Variants in HOXD12 observed in about 807,000 individuals in gnomAD.
HOXD12 encodes the protein homeobox protein Hox-D12.
A neutral mutation model predicts 20.2 loss-of-function variants in HOXD12; 21 were observed. The observed-to-expected ratio is 1.04, with a 90% CI of 0.74 to 1.50. HOXD12 has a LOEUF of 1.50. HOXD12 is among the 40% of genes most tolerant of loss of function. The pLI, the probability that HOXD12 is intolerant of heterozygous loss-of-function variation, is 0.00. For missense variants in HOXD12, 472 were observed against 365.5 expected, an observed-to-expected ratio of 1.29 and a Z score of -2.38; for synonymous variants, 196 against 168.8, an observed-to-expected ratio of 1.16 and a Z score of -1.25.
rs776618268 is a variant in HOXD12 at position 176,100,722 on chromosome 2, C to A, written c.775C>A (p.Arg259Ser). 7 of 1,613,750 alleles carry A rather than the reference C, an allele frequency of 4.3e-6. No individual in the cohort carries two copies. Among genetic ancestry groups the A allele is most frequent in the Non-Finnish European group, 1.7e-6 (2 of 1,179,824 alleles). The change falls in exon 2 of 2, where the codon CGC becomes AGC. Residue 259 changes from arginine to serine, a missense_variant. Transcript: ENST00000406506. Reference sequence around the variant, plus strand: ...CCAGAACAGGCGTATGAAGAAGAAGCGCGTGGTGCTTCGGGAGCAGGCGCT... The same window carrying A: ...CCAGAACAGGCGTATGAAGAAGAAGAGCGTGGTGCTTCGGGAGCAGGCGCT... ...WFQNRRMKKK[R>S]VVLREQALAL...
Position 176,102,426 on chromosome 2 carries a change from G to A in HOXD12, c.*1666G>A, listed in dbSNP as rs1278250927. On this transcript the variant is annotated 3_prime_UTR_variant, in exon 2 of 2. Coordinates refer to ENST00000406506, the MANE Select transcript of HOXD12 (RefSeq NM_021193.4). Reference sequence around the variant, plus strand: ...TTGATTTTGTCAAAAACAGTAGCTTGTATATATCAGACACAATATATACAA... The same window carrying A: ...TTGATTTTGTCAAAAACAGTAGCTTATATATATCAGACACAATATATACAA... Among the ~76,000 whole-genome samples, 2 of 152,210 alleles carry A rather than the reference G, an allele frequency of 1.3e-5. No individual in the cohort carries two copies. The highest frequency in any genetic ancestry group is 1.3e-4 in the Admixed American group (2 of 15,284).
chr2:176,100,434 G>C (rs754997624), intron 1 of HOXD12, 59 bp downstream of exon 1: 5 of 1,602,122 alleles, frequency 3.1e-6, no homozygotes, highest in Non-Finnish European at 4.3e-6. Flanking sequence ...TGGGGTTCAA[G>C]GGAGAGTGTA....
Position 176,102,093 on chromosome 2 carries a change from G to T in HOXD12, c.*1333G>T, listed in dbSNP as rs913390007. Among the ~76,000 whole-genome samples, 1 of 152,204 alleles carries T rather than the reference G, an allele frequency of 6.6e-6. No homozygotes were observed. Among genetic ancestry groups the T allele is most frequent in the South Asian group, 2.1e-4 (1 of 4,828 alleles). ...GTGGAGTTGTTCTGGGTGTACTGGAGTGTCCCGCCTTAATCTCAGTGAACC... is the reference window on the plus strand; with the variant it reads ...GTGGAGTTGTTCTGGGTGTACTGGATTGTCCCGCCTTAATCTCAGTGAACC... On this transcript the variant is annotated 3_prime_UTR_variant, in exon 2 of 2. Transcript: ENST00000406506.
chr2:176,101,639 G>T lies in HOXD12; in HGVS notation c.*879G>T, dbSNP rs987804672. The stretch of plus-strand genomic sequence containing the variant: ...CTAGCTCTGGTGAAAGGAGCTGTTG[G>T]TCTGCTTTGAAGCTCTGTTGCACAG... On this transcript the variant is annotated 3_prime_UTR_variant, in exon 2 of 2. Transcript: ENST00000406506. Among the ~76,000 whole-genome samples, 1 of 152,180 alleles carries T rather than the reference G, an allele frequency of 6.6e-6. No homozygotes were observed. Among genetic ancestry groups the T allele is most frequent in the Non-Finnish European group, 1.5e-5 (1 of 68,030 alleles).
chr2:176,101,846 G>C lies in HOXD12; in HGVS notation c.*1086G>C, dbSNP rs1283710894. On this transcript the variant is annotated 3_prime_UTR_variant, in exon 2 of 2. Coordinates refer to ENST00000406506, the MANE Select transcript of HOXD12 (RefSeq NM_021193.4). ...GCAAAAATCCTTCTCAAGAGTCAAGGGGAGGGGAAGGAAGTCTCTTAGATT... is the reference window on the plus strand; with the variant it reads ...GCAAAAATCCTTCTCAAGAGTCAAGCGGAGGGGAAGGAAGTCTCTTAGATT... Among the ~76,000 whole-genome samples, 1 of 152,222 alleles carries C rather than the reference G, an allele frequency of 6.6e-6. No homozygotes were observed. Among genetic ancestry groups the C allele is most frequent in the Non-Finnish European group, 1.5e-5 (1 of 68,046 alleles).
At chr2:176,100,401 C>T in intron 1 of HOXD12, 26 bp downstream of exon 1, 1 of 1,610,578 alleles carries the variant, frequency 6.2e-7, no homozygotes, top group East Asian at 2.2e-5. Flanking sequence ...GCTCCCCGGG[C>T]CGGTTTGGGC....
chr2:176,101,131 C>A lies in HOXD12; in HGVS notation c.*371C>A. 3.0e-6 allele frequency: 1 copy of A among 338,972 alleles called. No individual in the cohort carries two copies. The highest frequency in any genetic ancestry group is 3.1e-5 in the South Asian group (1 of 31,798). The allele number at this position is 338,972 out of a possible 1,614,324, so 21.0% of individuals were successfully genotyped here. ...GTTCTCCCTTTCCCCCTCTCTCCAG[C>A]CCCTTCAGCGTATAGCAGTCGCCTA... On this transcript the variant is annotated 3_prime_UTR_variant, in exon 2 of 2. Transcript: ENST00000406506.
At position 176,100,013 on chromosome 2, in the gene HOXD12, G is replaced by A. The variant is rs1204928846; in HGVS notation, c.212G>A (p.Gly71Asp). 1 of 1,561,752 alleles carries A rather than the reference G, an allele frequency of 6.4e-7. No homozygotes were observed. The highest frequency in any genetic ancestry group is 1.2e-5 in the South Asian group (1 of 85,526). The change falls in exon 1 of 2, where the codon GGC becomes GAC. Residue 71 changes from glycine (G) to aspartate (D), a missense_variant. By Grantham distance (94) the Gly-to-Asp change is moderately conservative (BLOSUM62 -1). Transcript: ENST00000406506. ...AQPAGATAFG[G>D]FSQPYLAGSG... ...CCTGCGGGCGCCACTGCCTTCGGCGGCTTCTCGCAGCCCTACCTGGCTGGC... is the reference window on the plus strand; with the variant it reads ...CCTGCGGGCGCCACTGCCTTCGGCGACTTCTCGCAGCCCTACCTGGCTGGC...
Position 176,100,776 on chromosome 2 carries a change from G to A in HOXD12, c.*16G>A, listed in dbSNP as rs548613643. On this transcript the variant is annotated 3_prime_UTR_variant, in exon 2 of 2. Transcript: ENST00000406506. ...GCTCTACTAGCCGCGCGCGTGGCCAGGGCCGGGTTGGATCTGCCCTTTTGG... is the reference window on the plus strand; with the variant it reads ...GCTCTACTAGCCGCGCGCGTGGCCAAGGCCGGGTTGGATCTGCCCTTTTGG... 2 of 1,573,278 alleles carry A rather than the reference G, an allele frequency of 1.3e-6. No individual in the cohort carries two copies. The highest frequency in any genetic ancestry group is 1.3e-5 in the African/African-American group (1 of 74,078).
At position 176,100,723 on chromosome 2, in the gene HOXD12, G is replaced by A; in HGVS notation, c.776G>A (p.Arg259His). ...CAGAACAGGCGTATGAAGAAGAAGC[G>A]CGTGGTGCTTCGGGAGCAGGCGCTG... ...WFQNRRMKKKRVVLREQALAL... is the reference protein window; with the variant it reads ...WFQNRRMKKKHVVLREQALAL... Residue 259 changes from arginine (R) to histidine (H), a missense_variant, in exon 2 of 2, where the codon CGC becomes CAC. Arg to His is a conservative substitution (Grantham distance 29, BLOSUM62 0). Transcript: ENST00000406506. 6.2e-7 allele frequency: 1 copy of A among 1,613,912 alleles called. No homozygotes were observed. Among genetic ancestry groups the A allele is most frequent in the Non-Finnish European group, 8.5e-7 (1 of 1,179,822 alleles).
chr2:176,100,237 A>C lies in HOXD12; in HGVS notation c.436A>C (p.Thr146Pro). ...TGACTACGCTGGTGTGGGTCGTGCC[A>C]CGCCGGGCTCCACGACCCTGCTCCA... is the stretch of plus-strand genomic sequence containing the variant. ...KYDYAGVGRATPGSTTLLQGA... is the reference protein window; with the variant it reads ...KYDYAGVGRAPPGSTTLLQGA... The change falls in exon 1 of 2, where the codon ACG becomes CCG. Residue 146 changes from threonine to proline, a missense_variant. By Grantham distance (38) the Thr-to-Pro change is conservative (BLOSUM62 -1). Coordinates refer to ENST00000406506, the MANE Select transcript of HOXD12 (RefSeq NM_021193.4). 6.2e-7 allele frequency: 1 copy of C among 1,612,314 alleles called. No homozygotes were observed. The highest frequency in any genetic ancestry group is 8.5e-7 in the Non-Finnish European group (1 of 1,179,804).
rs1190846294 is a variant in HOXD12 at position 176,100,390 on chromosome 2, T to G, written c.574+15T>G. 7 of 1,611,916 alleles carry G rather than the reference T, an allele frequency of 4.3e-6. No homozygotes were observed. The highest frequency in any genetic ancestry group is 5.9e-6 in the Non-Finnish European group (7 of 1,179,444). On this transcript the variant is annotated intron_variant, in intron 1 of 1. Coordinates refer to ENST00000406506, the MANE Select transcript of HOXD12 (RefSeq NM_021193.4). Reference sequence around the variant, plus strand: ...ACTGCCCGACGGTAAACGGTGCCCATGCTCCCCGGGCCGGTTTGGGCCGGG... The same window carrying G: ...ACTGCCCGACGGTAAACGGTGCCCAGGCTCCCCGGGCCGGTTTGGGCCGGG...
Position 176,099,808 on chromosome 2 carries a change from G to C in HOXD12, c.7G>C (p.Glu3Gln), listed in dbSNP as rs935730680. Residue 3 changes from glutamate (E) to glutamine (Q), a missense_variant, in exon 1 of 2, where the codon GAG (glutamate) becomes CAG (glutamine). Physicochemically the swap from Glu to Gln is conservative, Grantham distance 29. Coordinates refer to ENST00000406506, the MANE Select transcript of HOXD12 (RefSeq NM_021193.4). MCERSLYRAGYVG... is the reference protein window; with the variant it reads MCQRSLYRAGYVG... ...CCGAAGCCCTTTGTTGGAGATGTGT[G>C]AGCGCAGTCTCTACAGAGCGGGCTA... 6.7e-7 allele frequency: 1 copy of C among 1,481,530 alleles called. No homozygotes were observed. The highest frequency in any genetic ancestry group is 8.9e-7 in the Non-Finnish European group (1 of 1,117,588). The allele number at this position is 1,481,530 out of a possible 1,614,324, so 91.8% of individuals were successfully genotyped here.
rs764539397 is a variant in HOXD12 at position 176,100,053 on chromosome 2, C to T, written c.252C>T (p.Gly84=). ...ACCTGGCTGGCTCCGGGCCTCTCGG[C>T]CTGCAGCCCCCAACAGCCAAAGACG... ...QPYLAGSGPL[G]LQPPTAKDGP... The change falls in exon 1 of 2, where the codon GGC becomes GGT. Residue 84 remains glycine (G), a synonymous_variant. Coordinates refer to ENST00000406506, the MANE Select transcript of HOXD12 (RefSeq NM_021193.4). The T allele has an allele frequency of 6.3e-7, 1 of 1,584,666 alleles. No individual in the cohort carries two copies. The highest frequency in any genetic ancestry group is 8.6e-7 in the Non-Finnish European group (1 of 1,166,554).
chr2:176,100,334 C>A lies in HOXD12; in HGVS notation c.533C>A (p.Ala178Glu). 3 of 1,612,670 alleles carry A rather than the reference C, an allele frequency of 1.9e-6. No homozygotes were observed. The highest frequency in any genetic ancestry group is 2.5e-6 in the Non-Finnish European group (3 of 1,179,846). The change falls in exon 1 of 2, where the codon GCG becomes GAG. Residue 178 changes from alanine to glutamate, a missense_variant. By Grantham distance (107) the Ala-to-Glu change is moderately radical. Coordinates refer to ENST00000406506, the MANE Select transcript of HOXD12 (RefSeq NM_021193.4). ...GPLNLNMTVQ[A>E]AGVASCLRPS... Reference sequence around the variant, plus strand: ...CTCAACTTGAACATGACAGTGCAGGCGGCGGGCGTTGCCTCTTGCCTGCGA... The same window carrying A: ...CTCAACTTGAACATGACAGTGCAGGAGGCGGGCGTTGCCTCTTGCCTGCGA...
chr2:176,100,477 G>T, intron 1 of HOXD12, 45 bp from the exon 2 acceptor site: 1 of 1,589,318 alleles, frequency 6.3e-7, no homozygotes, highest in Non-Finnish European at 8.6e-7. Flanking sequence ...GCGGGCAATA[G>T]ACAGAGTACG....
rs761199276 is a variant in HOXD12 at position 176,100,518 on chromosome 2, G to T, written c.575-4G>T. On this transcript the variant is annotated splice_polypyrimidine_tract_variant and splice_region_variant and intron_variant, in intron 1 of 1. Coordinates refer to ENST00000406506, the MANE Select transcript of HOXD12 (RefSeq NM_021193.4). ...GGTTGACGTGGGTTGGGGCTGTGTT[G>T]CAGGCCTGCCGTGGGGGGCGGCCCC... 3 of 1,598,578 alleles carry T rather than the reference G, an allele frequency of 1.9e-6. No homozygotes were observed. The highest frequency in any genetic ancestry group is 1.3e-5 in the African/African-American group (1 of 74,704).
chr2:176,100,117 GC>G lies in HOXD12; in HGVS notation c.318del (p.Ala107LeufsTer66), dbSNP rs748523116. The G allele has an allele frequency of 4.3e-6, 7 of 1,609,338 alleles. No individual in the cohort carries two copies. The highest frequency in any genetic ancestry group is 5.9e-6 in the Non-Finnish European group (7 of 1,179,244). ...GGCTAAGTTCTATGCGCCCGAAGCG[GC>G]CGCTGGGCCAGAGGAGCGCGGTCGT... ...EQAKFYAPEA[A>X]AGPEERGRTR... On this transcript the variant is annotated frameshift_variant, in exon 1 of 2. Coordinates refer to ENST00000406506, the MANE Select transcript of HOXD12 (RefSeq NM_021193.4). LOFTEE classifies it high-confidence loss of function.
rs1689489926 is a variant in HOXD12, at chr2:176,101,156, A to T, written c.*396A>T. 4.0e-6 allele frequency: 1 copy of T among 253,112 alleles called. No individual in the cohort carries two copies. Among genetic ancestry groups the T allele is most frequent in the Admixed American group, 5.1e-5 (1 of 19,674 alleles). The allele number at this position is 253,112 out of a possible 1,614,324, so 15.7% of individuals were successfully genotyped here. The stretch of plus-strand genomic sequence containing the variant: ...CCCCTTCAGCGTATAGCAGTCGCCT[A>T]GTTAGGGCTCAGAGTGGAAGGCCTC... On this transcript the variant is annotated 3_prime_UTR_variant, in exon 2 of 2. Transcript: ENST00000406506.
Sources: gnomAD v4.1 joint callset for allele counts (sites outside exome capture counted in the v4.1 genomes callset) on GRCh38, gnomAD v4.1.1 for gene constraint, MANE v1.5 for transcripts, NCBI Gene and HGNC (gene_info 2026-07-23, HGNC 2026-07-21) for gene names.